The following ACOT7 variants were observed in gnomAD, a reference collection of about 807,000 sequenced individuals.
The protein encoded by ACOT7 is acyl-CoA thioesterase 7.
A neutral mutation model predicts 40.2 loss-of-function variants in ACOT7; 12 were observed. That is an observed-to-expected ratio of 0.30 (90% confidence interval 0.19 to 0.48). The LOEUF is 0.48. Among genes scored for constraint, ACOT7 ranks in the 20% least tolerant of loss-of-function variants. The pLI is 0.99. For synonymous variants in ACOT7, 228 were observed against 219.5 expected (o/e 1.04, Z -0.34); for missense variants, 395 against 530.8 (o/e 0.74, Z 2.51).
chr1:6,274,200 C>T lies in ACOT7; in HGVS notation c.1014+6902G>A, dbSNP rs78138124. On this transcript the variant is annotated intron_variant, in intron 8 of 8. Transcript: ENST00000361521. The surrounding 1 kb of genome is among the most constrained non-coding windows in gnomAD (Gnocchi z 5.9). ...TAAGTGCAAAGGGGCGAGGGACCTT[C>T]CAATTACAGCATCACTGAGAAGGCA... Among the ~76,000 whole-genome samples, 1,525 of 152,298 alleles carry T rather than the reference C, an allele frequency of 0.01. 22 individuals are homozygous for T. Among genetic ancestry groups the T allele is most frequent in the African/African-American group, 0.035 (1,461 of 41,562 alleles).
chr1:6,267,368 T>C (rs1638882012), intron 8 of ACOT7, among the ~76,000 whole-genome samples: 1 of 152,208 alleles, frequency 6.6e-6, no homozygotes, highest in East Asian at 1.9e-4. Flanking sequence ...GCTTAGGAGC[T>C]GTTACCATGG....
At chr1:6,374,519 G>A (rs973718480) in intron 1 of ACOT7, among the ~76,000 whole-genome samples, 1 of 152,234 alleles carries the variant, frequency 6.6e-6, no homozygotes, top group African/African-American at 2.4e-5. Flanking sequence ...CAAGGACTCT[G>A]CCTTGCCCAA....
intron 2 of ACOT7, among the ~76,000 whole-genome samples, chr1:6,341,735 C>G (rs1641283592): frequency 6.6e-6 from 1 of 152,036 alleles, no homozygotes; most frequent in African/African-American, 2.4e-5. Context: ...GAGCGAGACT[C>G]CGTCTCAAAA....
In ACOT7 at chr1:6,306,947, T is replaced by C. The variant is rs1640173566; in HGVS notation, c.712+11545A>G. ...GAAGACCAAGTGAACAAGAGCGTCT[T>C]GGTGGAGGCCTCACTTGCGTCCCCT... On this transcript the variant is annotated intron_variant, in intron 6 of 8. Coordinates refer to ENST00000361521, the MANE Select transcript of ACOT7 (RefSeq NM_007274.4). This position sits in a 1 kb window ranked among gnomAD's most constrained non-coding sequence, Gnocchi z 4.3. 2.3e-6 allele frequency: 3 copies of C among 1,286,094 alleles called. No individual in the cohort carries two copies. Among genetic ancestry groups the C allele is most frequent in the Non-Finnish European group, 3.0e-6 (3 of 986,282 alleles). The allele number at this position is 1,286,094 out of a possible 1,614,324, so 79.7% of individuals were successfully genotyped here. A position where few individuals can be genotyped will look rare whatever the true frequency, so the allele number is the denominator to read the frequency against.
At chr1:6,277,118 A>AC (rs1639219086) in intron 8 of ACOT7, among the ~76,000 whole-genome samples, 1 of 151,966 alleles carries the variant, frequency 6.6e-6, no homozygotes, top group African/African-American at 2.4e-5. Flanking sequence ...ACAAGGGTGG[A>AC]CCCCCTCAGG....
chr1:6,280,531 C>T (rs1195959657), intron 8 of ACOT7, among the ~76,000 whole-genome samples: 1 of 152,214 alleles, frequency 6.6e-6, no homozygotes, highest in Admixed American at 6.5e-5. Context: ...ACACGCCCAC[C>T]CCACCTGCCC....
At chr1:6,349,943 G>A in intron 1 of ACOT7, 77 bp from the exon 2 acceptor site, 1 of 1,429,746 alleles carries the variant, frequency 7.0e-7, no homozygotes, top group South Asian at 1.2e-5. Context: ...AAGGAGGGGA[G>A]AAGGTCCCCA....
chr1:6,264,773 C>T, intron 8 of ACOT7, 78 bp from the exon 9 acceptor site: 2 of 1,460,310 alleles, frequency 1.4e-6, no homozygotes, highest in African/African-American at 1.4e-5. Flanking sequence ...TGGCCTGGGG[C>T]CCTGCCCCCC....
rs925929062 is a variant in ACOT7 at position 6,390,935 on chromosome 1, A to AAAAC, written c.143+2318_143+2321dup. Among the ~76,000 whole-genome samples the AAAAC allele has an allele frequency of 9.9e-5, 15 of 152,000 alleles. No individual in the cohort carries two copies. In the South Asian group the frequency reaches 1.2e-3, roughly 13 times the overall value. On this transcript the variant is annotated intron_variant, in intron 1 of 8. Transcript: ENST00000361521. ...TGGGTGACAGAGCGAGACTGTCTCA[A>AAAAC]AAACAAACAAACAAACAAACAAAAA...
intron 5 of ACOT7, among the ~76,000 whole-genome samples, chr1:6,325,645 C>T (rs1055326021): frequency 1.3e-5 from 2 of 152,170 alleles, no homozygotes; most frequent in East Asian, 3.8e-4. Context: ...CAGACTGAGT[C>T]AGAGACACAC....
intron 4 of ACOT7, among the ~76,000 whole-genome samples, chr1:6,332,656 A>AT (rs1395086135): frequency 1.3e-5 from 2 of 152,088 alleles, no homozygotes; most frequent in African/African-American, 4.8e-5. Context: ...TCTACTAAAA[A>AT]ATATATATAA....
intron 6 of ACOT7, 120 bp downstream of exon 6, chr1:6,318,372 G>T: frequency 8.9e-7 from 1 of 1,121,974 alleles, no homozygotes; most frequent in Non-Finnish European, 1.3e-6. Flanking sequence ...ACAACTTCTT[G>T]GAAGTTTGTA....
At chr1:6,360,439 A>C in intron 1 of ACOT7, 1 of 1,282,454 alleles carries the variant, frequency 7.8e-7, no homozygotes, top group Non-Finnish European at 1.1e-6. Context: ...CTTCCTGAGT[A>C]GCCGGCATCC....
chr1:6,333,425 G>A (rs1330532193), intron 4 of ACOT7, 52 bp downstream of exon 4: 1 of 1,580,546 alleles, frequency 6.3e-7, no homozygotes, highest in East Asian at 2.2e-5. Context: ...CAGGTGAGGT[G>A]ACCTGATCTC....
intron 1 of ACOT7, among the ~76,000 whole-genome samples, chr1:6,383,853 C>G (rs1050476671): frequency 6.6e-6 from 1 of 151,650 alleles, no homozygotes; most frequent in Non-Finnish European, 1.5e-5. Context: ...TACAGGCGCC[C>G]GCCACCACAC....
chr1:6,323,737 A>AAAATATAT (rs1553158667), intron 5 of ACOT7, among the ~76,000 whole-genome samples: 12 of 38,418 alleles, frequency 3.1e-4, no homozygotes, highest in East Asian at 1.3e-3. Context: ...AAAAAAAAAA[A>AAAATATAT]ATATATATAT....
chr1:6,335,804 A>G (rs1460077525), intron 3 of ACOT7, among the ~76,000 whole-genome samples: 1 of 152,246 alleles, frequency 6.6e-6, no homozygotes, highest in Non-Finnish European at 1.5e-5. Context: ...AGTGCTTGGG[A>G]ACCACAGGCA....
chr1:6,286,976 T>C (rs1049104512), intron 7 of ACOT7, among the ~76,000 whole-genome samples: 9 of 152,116 alleles, frequency 5.9e-5, no homozygotes, highest in African/African-American at 1.9e-4. Context: ...TTAGTAGAGA[T>C]GGGGTTTCAG....
At chr1:6,354,145 T>C (rs891978059) in intron 1 of ACOT7, among the ~76,000 whole-genome samples, 1 of 151,740 alleles carries the variant, frequency 6.6e-6, no homozygotes, top group Non-Finnish European at 1.5e-5. Context: ...CAACCCACTC[T>C]CAGCCACCCC....
Sources: allele counts gnomAD v4.1 joint callset (sites outside exome capture counted in the v4.1 genomes callset), GRCh38; gene constraint gnomAD v4.1.1; non-coding constraint Gnocchi (gnomAD v3.1); transcripts MANE v1.5; gene names NCBI Gene and HGNC (gene_info 2026-07-23, HGNC 2026-07-21).